Variants in RALGPS1 observed in about 807,000 individuals in gnomAD.
RALGPS1 encodes ras-specific guanine nucleotide-releasing factor RalGPS1.
RALGPS1 carries 19 observed loss-of-function variants against 78.8 expected under a neutral mutation model. The ratio of observed to expected loss-of-function variants is 0.24; its 90% confidence interval spans 0.17 to 0.35. RALGPS1 has a LOEUF of 0.35. RALGPS1 is among the 10% of genes least tolerant of loss of function. RALGPS1 has a pLI of 1.00. For synonymous variants in RALGPS1, 228 were observed against 256.3 expected (o/e 0.89, Z 1.06); for missense variants, 454 against 688.3 (o/e 0.66, Z 3.81).
intron 1 of RALGPS1, among the ~76,000 whole-genome samples, chr9:126,951,905 G>A (rs1198280578): frequency 6.6e-6 from 1 of 152,290 alleles, no homozygotes; most frequent in Non-Finnish European, 1.5e-5. Context: ...TGACATGATT[G>A]TATATCTAGA....
intron 8 of RALGPS1, among the ~76,000 whole-genome samples, chr9:127,164,237 G>A (rs10760478): frequency 0.45 from 68,770 of 151,764 alleles, 16,250 homozygotes; most frequent in South Asian, 0.64. Flanking sequence ...AACCAAGCTT[G>A]TTATTATTAT....
At position 126,932,328 on chromosome 9, in the gene RALGPS1, T is replaced by A. The variant is rs551828132; in HGVS notation, c.-66+17353T>A. On this transcript the variant is annotated intron_variant, in intron 1 of 18. Transcript: ENST00000259351. ...GTCTATCCACTTTGGAAAATTGACA[T>A]CATCTATCAAAGCTGAACATATACA... Among the ~76,000 whole-genome samples the A allele has an allele frequency of 1.5e-4, 23 of 152,326 alleles. No individual in the cohort carries two copies. In the East Asian group the frequency reaches 4.1e-3, roughly 27 times the overall value.
intron 14 of RALGPS1, chr9:127,210,787 G>A (rs1447371434): frequency 6.5e-7 from 1 of 1,543,016 alleles, no homozygotes; most frequent in Non-Finnish European, 8.8e-7. Context: ...AGGTATTCAT[G>A]TGTTCATGTG....
intron 7 of RALGPS1, among the ~76,000 whole-genome samples, chr9:127,067,413 T>A (rs2049811521): frequency 6.6e-6 from 1 of 152,216 alleles, no homozygotes; most frequent in African/African-American, 2.4e-5. Flanking sequence ...TGGGCTGTCT[T>A]ATGGCTGCAT....
chr9:127,059,705 T>C (rs2049036706), intron 7 of RALGPS1, among the ~76,000 whole-genome samples: 1 of 151,994 alleles, frequency 6.6e-6, no homozygotes, highest in South Asian at 2.1e-4. Context: ...TCCTGCACCC[T>C]AGAACCCTGT....
At chr9:127,141,421 G>T (rs1272522949) in intron 8 of RALGPS1, among the ~76,000 whole-genome samples, 2 of 151,904 alleles carry the variant, frequency 1.3e-5, no homozygotes, top group Non-Finnish European at 2.9e-5. Flanking sequence ...TAGCCATCTC[G>T]CTTTCCTTGC....
At chr9:127,132,691 G>A (rs140163742) in intron 8 of RALGPS1, among the ~76,000 whole-genome samples, 33 of 152,326 alleles carry the variant, frequency 2.2e-4, no homozygotes, top group African/African-American at 6.7e-4. Context: ...CCAGCTGAAT[G>A]GCCCTGAGCA....
chr9:126,958,779 C>G (rs1403392419), intron 1 of RALGPS1, among the ~76,000 whole-genome samples: 1 of 152,022 alleles, frequency 6.6e-6, no homozygotes, highest in Non-Finnish European at 1.5e-5. Context: ...AGGTAGATAC[C>G]TAGGAGTAGA....
rs540833165 is a variant in RALGPS1, at chr9:127,141,273, C to G, written c.611-24796C>G. On this transcript the variant is annotated intron_variant, in intron 8 of 18. Transcript: ENST00000259351. ...TCAGCCGTACAGTAAGGTGTAAACT[C>G]TGACTGAAAAAGAGGGAAGAAGTAA... Among the ~76,000 whole-genome samples the G allele has an allele frequency of 4.6e-5, 7 of 152,180 alleles. No homozygotes were observed. The South Asian group carries it at 1.2e-3, about 27-fold the overall frequency.
In RALGPS1 at chr9:126,968,613, G is replaced by A. The variant is rs10120637; in HGVS notation, c.165+2662G>A. ...TATTATTCCCAATTTACTGATAAGC[G>A]AGTCAACACTTAGAGAAGAAAGTCG... On this transcript the variant is annotated intron_variant, in intron 3 of 18. Transcript: ENST00000259351. 4.4e-3 allele frequency among the ~76,000 whole-genome samples: 668 copies of A among 152,238 alleles called. 4 individuals are homozygous for A. Among genetic ancestry groups the A allele is most frequent in the African/African-American group, 0.015 (636 of 41,546 alleles).
At chr9:127,011,601 G>T (rs767645272) in intron 4 of RALGPS1, among the ~76,000 whole-genome samples, 9 of 152,120 alleles carry the variant, frequency 5.9e-5, no homozygotes, top group Non-Finnish European at 8.8e-5. Context: ...TATCTGGCTG[G>T]TACTTTAATA....
intron 7 of RALGPS1, among the ~76,000 whole-genome samples, chr9:127,065,641 C>T (rs1159330095): frequency 2.6e-5 from 4 of 151,782 alleles, no homozygotes; most frequent in Admixed American, 2.6e-4. Flanking sequence ...TATGTCTATC[C>T]CCTCCCCTCC....
chr9:127,091,562 C>G lies in RALGPS1; in HGVS notation c.610+22206C>G. On this transcript the variant is annotated intron_variant, in intron 8 of 18. Transcript: ENST00000259351. This position sits in a 1 kb window ranked among gnomAD's most constrained non-coding sequence, Gnocchi z 4.3. ...AGGGTCAGGCAGCTTGGCCCAGCTG[C>G]TTCTCACCCTGGGATCTTCCCGTTT... 1 of 1,458,950 alleles carries G rather than the reference C, an allele frequency of 6.9e-7. No individual in the cohort carries two copies. Among genetic ancestry groups the G allele is most frequent in the Non-Finnish European group, 9.2e-7 (1 of 1,085,026 alleles). 90.4% of individuals were successfully genotyped at this position (1,458,950 alleles called of 1,614,324 possible). A position where few individuals can be genotyped will look rare whatever the true frequency, so the allele number is the denominator to read the frequency against.
At chr9:127,094,385 TG>T (rs1436474402) in intron 8 of RALGPS1, among the ~76,000 whole-genome samples, 1 of 150,282 alleles carries the variant, frequency 6.7e-6, no homozygotes, top group Non-Finnish European at 1.5e-5. Flanking sequence ...CTGATGGCTT[TG>T]CTTCTGCAAG....
At chr9:126,973,646 G>A (rs1317029651) in intron 3 of RALGPS1, among the ~76,000 whole-genome samples, 2 of 152,078 alleles carry the variant, frequency 1.3e-5, no homozygotes, top group Admixed American at 1.3e-4. Flanking sequence ...ATTTTTCAGT[G>A]TACAATTCAG....
chr9:127,054,226 T>A (rs752151126), intron 7 of RALGPS1, among the ~76,000 whole-genome samples: 1 of 152,254 alleles, frequency 6.6e-6, no homozygotes, highest in Non-Finnish European at 1.5e-5. Context: ...TGATTCCAAG[T>A]CCATCTGACC....
chr9:126,921,765 G>T (rs1479766354), intron 1 of RALGPS1, among the ~76,000 whole-genome samples: 1 of 152,192 alleles, frequency 6.6e-6, no homozygotes, highest in Non-Finnish European at 1.5e-5. Context: ...ACGCGCCTTT[G>T]TGTGGTTCGT....
At chr9:127,058,868 A>G (rs995639598) in intron 7 of RALGPS1, among the ~76,000 whole-genome samples, 1 of 152,102 alleles carries the variant, frequency 6.6e-6, no homozygotes, top group African/African-American at 2.4e-5. Context: ...GCTCTTTCCT[A>G]CTGAATTGAT....
chr9:127,097,276 A>G (rs1358301287), intron 8 of RALGPS1, among the ~76,000 whole-genome samples: 2 of 152,196 alleles, frequency 1.3e-5, no homozygotes, highest in Admixed American at 6.5e-5. Flanking sequence ...TCTTTTTTTA[A>G]AAAAGGCAAA....
Sources: gnomAD v4.1 joint callset for allele counts (sites outside exome capture counted in the v4.1 genomes callset) on GRCh38, gnomAD v4.1.1 for gene constraint, Gnocchi (gnomAD v3.1) non-coding constraint, MANE v1.5 for transcripts, NCBI Gene and HGNC (gene_info 2026-07-23, HGNC 2026-07-21) for gene names.